The following SUMF1 variants were observed in gnomAD, a reference collection of about 807,000 sequenced individuals.
The protein encoded by SUMF1 is formylglycine-generating enzyme.
A neutral mutation model predicts 47.6 loss-of-function variants in SUMF1; 48 were observed. The observed-to-expected ratio is 1.01, with a 90% CI of 0.80 to 1.28. The LOEUF (loss-of-function observed/expected upper bound fraction) is 1.28. Among genes scored for constraint, SUMF1 ranks in the 50% most tolerant of loss-of-function variants. SUMF1 has a pLI of 0.00. For synonymous variants in SUMF1, 230 were observed against 192.1 expected (o/e 1.20, Z -1.63); for missense variants, 571 against 485.4 (o/e 1.18, Z -1.66).
At chr3:4,109,780 T>C (rs1386347438) in intron 8 of SUMF1, among the ~76,000 whole-genome samples, 1 of 152,146 alleles carries the variant, frequency 6.6e-6, no homozygotes, top group Non-Finnish European at 1.5e-5. Context: ...CTCCATCAGG[T>C]CATTTAAGGA....
intron 8 of SUMF1, among the ~76,000 whole-genome samples, chr3:4,292,945 T>C (rs1335485073): frequency 6.6e-6 from 1 of 152,176 alleles, no homozygotes; most frequent in Non-Finnish European, 1.5e-5. Context: ...TCAATGTTCT[T>C]CTAAGCTAAG....
chr3:4,217,524 A>ATAT (rs1695958399), intron 8 of SUMF1, among the ~76,000 whole-genome samples: 12 of 59,632 alleles, frequency 2.0e-4, no homozygotes, highest in Admixed American at 5.2e-4. Flanking sequence ...TTATATATAT[A>ATAT]TATATATATA....
At chr3:4,193,632 C>T (rs1164359387) in intron 8 of SUMF1, among the ~76,000 whole-genome samples, 1 of 152,040 alleles carries the variant, frequency 6.6e-6, no homozygotes, top group Non-Finnish European at 1.5e-5. Flanking sequence ...AGCAGGGGTA[C>T]ACAAATAGTG....
chr3:4,223,168 C>G (rs1696105120), intron 8 of SUMF1, among the ~76,000 whole-genome samples: 1 of 152,136 alleles, frequency 6.6e-6, no homozygotes, highest in Non-Finnish European at 1.5e-5. Context: ...CATCAGCTCT[C>G]TGGACAGATT....
intron 8 of SUMF1, among the ~76,000 whole-genome samples, chr3:4,250,292 G>A (rs1696768135): frequency 6.8e-6 from 1 of 147,744 alleles, no homozygotes; most frequent in African/African-American, 2.5e-5. Context: ...AGGAAGGGAA[G>A]AGGGAAGGAG....
At chr3:4,252,483 TG>T (rs1696826315) in intron 8 of SUMF1, among the ~76,000 whole-genome samples, 1 of 152,166 alleles carries the variant, frequency 6.6e-6, no homozygotes, top group South Asian at 2.1e-4. Context: ...TTGAGACTGC[TG>T]AACTTTCAAA....
At chr3:4,177,462 G>A (rs1297205511) in intron 8 of SUMF1, among the ~76,000 whole-genome samples, 2 of 152,038 alleles carry the variant, frequency 1.3e-5, no homozygotes, top group Non-Finnish European at 2.9e-5. Context: ...TGAAATGAAG[G>A]CACAAATAAA....
At chr3:4,160,250 T>C (rs187793561) in intron 8 of SUMF1, among the ~76,000 whole-genome samples, 12 of 152,178 alleles carry the variant, frequency 7.9e-5, no homozygotes, top group African/African-American at 2.9e-4. Flanking sequence ...TCTTTTTCTT[T>C]CTTTTTTGAG....
intron 8 of SUMF1, among the ~76,000 whole-genome samples, chr3:4,268,551 G>A (rs1372877282): frequency 1.0e-5 from 1 of 98,472 alleles, no homozygotes; most frequent in African/African-American, 4.1e-5. Context: ...TTACACAGTT[G>A]TGTGATAGCT....
At chr3:4,257,269 G>A (rs1364696209) in intron 8 of SUMF1, among the ~76,000 whole-genome samples, 18 of 124,142 alleles carry the variant, frequency 1.4e-4, no homozygotes, top group East Asian at 6.8e-4. Flanking sequence ...AGGGCAATTA[G>A]GCAGGAGAAG....
intron 8 of SUMF1, among the ~76,000 whole-genome samples, chr3:4,291,113 G>T (rs1386844411): frequency 6.6e-6 from 1 of 152,082 alleles, no homozygotes; most frequent in African/African-American, 2.4e-5. Context: ...GTATGTGTCC[G>T]CCAAATATTA....
At chr3:4,364,593 G>T (rs572134172) in intron 8 of SUMF1, among the ~76,000 whole-genome samples, 127 of 145,198 alleles carry the variant, frequency 8.7e-4, no homozygotes, top group Middle Eastern at 7.0e-3. Flanking sequence ...TTTTTTATTG[G>T]GTCTATTTGA....
At chr3:4,321,668 A>G (rs1698837844) in intron 8 of SUMF1, among the ~76,000 whole-genome samples, 1 of 152,150 alleles carries the variant, frequency 6.6e-6, no homozygotes, top group Non-Finnish European at 1.5e-5. Flanking sequence ...AAATGATTGA[A>G]TCAATAAATA....
At chr3:4,285,288 A>G (rs934684599) in intron 8 of SUMF1, among the ~76,000 whole-genome samples, 1 of 152,198 alleles carries the variant, frequency 6.6e-6, no homozygotes, top group African/African-American at 2.4e-5. Context: ...CATTACTCCT[A>G]GGACTATGCT....
chr3:4,465,930 T>C (rs1411870908), intron 1 of SUMF1, among the ~76,000 whole-genome samples: 1 of 152,194 alleles, frequency 6.6e-6, no homozygotes, highest in East Asian at 1.9e-4. Context: ...TCCTAAATAT[T>C]GGTCAGGATT....
chr3:4,344,220 G>C (rs182700735), intron 8 of SUMF1, among the ~76,000 whole-genome samples: 22 of 152,324 alleles, frequency 1.4e-4, no homozygotes, highest in African/African-American at 4.6e-4. Context: ...CGGAGAGAAG[G>C]AAGAGCAGTG....
intron 3 of SUMF1, 148 bp downstream of exon 3, chr3:4,449,118 T>C (rs1242549936): frequency 2.3e-6 from 2 of 863,782 alleles, no homozygotes; most frequent in Non-Finnish European, 4.0e-6. Flanking sequence ...TCCTGGTCCA[T>C]GGGCCTATTA....
At chr3:4,193,654 A>G (rs1695368860) in intron 8 of SUMF1, among the ~76,000 whole-genome samples, 1 of 152,160 alleles carries the variant, frequency 6.6e-6, no homozygotes, top group Non-Finnish European at 1.5e-5. Flanking sequence ...CATAAAAGTA[A>G]TGCAGTTACT....
intron 8 of SUMF1, among the ~76,000 whole-genome samples, chr3:4,165,107 CAGCTGTCATTCTATCATTT>C (rs1208539364): frequency 2.0e-5 from 3 of 152,154 alleles, no homozygotes; most frequent in Non-Finnish European, 4.4e-5. Context: ...TCCCTTTCTT[CAGCTGTCATTCTATCATTT>C]ACTTGACTAA....
Sources: gnomAD v4.1 joint callset for allele counts (sites outside exome capture counted in the v4.1 genomes callset) on GRCh38, gnomAD v4.1.1 for gene constraint, MANE v1.5 for transcripts, NCBI Gene and HGNC (gene_info 2026-07-23, HGNC 2026-07-21) for gene names.